The following PHACTR1 variants were observed in gnomAD, a reference collection of about 807,000 sequenced individuals.
PHACTR1 encodes the protein RPEL repeat containing 1.
PHACTR1 carries 16 observed loss-of-function variants against 69.2 expected under a neutral mutation model. That is an observed-to-expected ratio of 0.23 (90% CI 0.16 to 0.35). The LOEUF is 0.35. Among genes scored for constraint, PHACTR1 ranks in the 10% least tolerant of loss-of-function variants. PHACTR1 has a pLI of 1.00. For missense variants in PHACTR1, 510 were observed against 734.7 expected (o/e 0.69, Z 3.54); for synonymous variants, 312 against 284.5 (o/e 1.10, Z -0.97).
At chr6:12,809,018 T>C (rs1202806453) in intron 4 of PHACTR1, among the ~76,000 whole-genome samples, 2 of 151,942 alleles carry the variant, frequency 1.3e-5, no homozygotes, top group African/African-American at 4.8e-5. Context: ...GCTGGGACTA[T>C]AGTCATGTGC....
intron 4 of PHACTR1, among the ~76,000 whole-genome samples, chr6:12,958,914 C>A (rs972656655): frequency 3.9e-5 from 6 of 152,098 alleles, no homozygotes; most frequent in African/African-American, 7.2e-5. Context: ...CGGTGGCTCA[C>A]GCCTATAATC....
chr6:12,965,444 T>C (rs1793330320), intron 4 of PHACTR1, among the ~76,000 whole-genome samples: 1 of 103,166 alleles, frequency 9.7e-6, no homozygotes, highest in South Asian at 3.7e-4. Flanking sequence ...CACAGTCTAT[T>C]TTGTGCCTTT....
chr6:13,157,490 A>G (rs967912204), intron 5 of PHACTR1, among the ~76,000 whole-genome samples: 5 of 152,244 alleles, frequency 3.3e-5, no homozygotes, highest in Non-Finnish European at 1.5e-5. Context: ...GACCATGGAC[A>G]GCAGATCCAC....
intron 4 of PHACTR1, 133 bp downstream of exon 4, chr6:12,749,923 T>C (rs1467267180): frequency 1.2e-6 from 1 of 819,718 alleles, no homozygotes; most frequent in African/African-American, 1.8e-5. Flanking sequence ...GCGCTCTTTG[T>C]GTCTCCGGTG....
chr6:12,769,807 T>C (rs1214906556), intron 4 of PHACTR1, among the ~76,000 whole-genome samples: 1 of 152,236 alleles, frequency 6.6e-6, no homozygotes, highest in Non-Finnish European at 1.5e-5. Context: ...TTTGCATTGC[T>C]TCTCCTTCTG....
At chr6:12,944,114 T>A (rs1054084801) in intron 4 of PHACTR1, among the ~76,000 whole-genome samples, 4 of 152,204 alleles carry the variant, frequency 2.6e-5, no homozygotes, top group Non-Finnish European at 1.5e-5. Flanking sequence ...GTTCTACTGA[T>A]AACAAAAGGG....
chr6:12,918,541 A>T (rs1787270679), intron 4 of PHACTR1, among the ~76,000 whole-genome samples: 1 of 152,196 alleles, frequency 6.6e-6, no homozygotes, highest in Non-Finnish European at 1.5e-5. Flanking sequence ...GTTGTGAGAG[A>T]TGCCATCGTT....
intron 10 of PHACTR1, among the ~76,000 whole-genome samples, chr6:13,263,352 A>T (rs1776187277): frequency 6.6e-6 from 1 of 151,632 alleles, no homozygotes; most frequent in Non-Finnish European, 1.5e-5. Context: ...TGAAAAAAAA[A>T]AAAAGGCAAG....
At chr6:12,730,139 T>C (rs536098935) in intron 3 of PHACTR1, among the ~76,000 whole-genome samples, 25 of 152,294 alleles carry the variant, frequency 1.6e-4, no homozygotes, top group African/African-American at 5.5e-4. Flanking sequence ...ACCCAAAATA[T>C]TCTATATTCC....
chr6:13,284,499 A>G (rs1262102375), intron 13 of PHACTR1, among the ~76,000 whole-genome samples: 2 of 129,452 alleles, frequency 1.5e-5, no homozygotes, highest in Non-Finnish European at 3.1e-5. Flanking sequence ...CGTGGATGAC[A>G]ACAGTGAAAC....
intron 5 of PHACTR1, among the ~76,000 whole-genome samples, chr6:13,066,547 T>C (rs1357618918): frequency 6.6e-6 from 1 of 152,172 alleles, no homozygotes; most frequent in East Asian, 1.9e-4. Context: ...GCATTATTGT[T>C]TGGGTTATCT....
In PHACTR1 at chr6:12,988,601, A is replaced by ACCTC. The variant is rs575504356; in HGVS notation, c.251-64761_251-64758dup. ...AGCATCTTTTAAATTCCTTGATCTT[A>ACCTC]CCTCCCCAGTGTGTAGAGCATATTA... On this transcript the variant is annotated intron_variant, in intron 4 of 14. Transcript: ENST00000332995. Among the ~76,000 whole-genome samples the ACCTC allele has an allele frequency of 3.3e-5, 5 of 152,264 alleles. No individual in the cohort carries two copies. In the South Asian group the frequency reaches 1.0e-3, roughly 32 times the overall value.
chr6:13,089,746 G>A (rs932781505), intron 5 of PHACTR1, among the ~76,000 whole-genome samples: 1 of 152,150 alleles, frequency 6.6e-6, no homozygotes, highest in African/African-American at 2.4e-5. Flanking sequence ...ACCTATCACT[G>A]GAGTTCCTGA....
At chr6:12,994,253 T>G (rs1797147870) in intron 4 of PHACTR1, among the ~76,000 whole-genome samples, 1 of 152,234 alleles carries the variant, frequency 6.6e-6, no homozygotes, top group African/African-American at 2.4e-5. Context: ...ATATATTAGG[T>G]GACACAAAAG....
At chr6:12,796,392 G>A (rs944061734) in intron 4 of PHACTR1, among the ~76,000 whole-genome samples, 1 of 152,196 alleles carries the variant, frequency 6.6e-6, no homozygotes, top group Non-Finnish European at 1.5e-5. Flanking sequence ...TCCCAGTACA[G>A]ACTCTGAACC....
Position 12,792,334 on chromosome 6 carries a change from C to T in PHACTR1, c.250+42544C>T, listed in dbSNP as rs1053680317. Among the ~76,000 whole-genome samples the T allele has an allele frequency of 2.6e-5, 4 of 151,778 alleles. No individual in the cohort carries two copies. In the East Asian group the frequency reaches 5.8e-4, roughly 22 times the overall value. On this transcript the variant is annotated intron_variant, in intron 4 of 14. Transcript: ENST00000332995. ...ACAAAATTAGCCGGGCGTGGTGGTA[C>T]ATGCCTGTAATCCCAGCTACTTGGG...
chr6:12,767,033 TC>T (rs1181404380), intron 4 of PHACTR1, among the ~76,000 whole-genome samples: 1 of 152,326 alleles, frequency 6.6e-6, no homozygotes, highest in Admixed American at 6.5e-5. Flanking sequence ...AGATATTTTG[TC>T]CCCTCACATT....
At chr6:13,116,093 G>T (rs1817779780) in intron 5 of PHACTR1, among the ~76,000 whole-genome samples, 1 of 152,120 alleles carries the variant, frequency 6.6e-6, no homozygotes, top group East Asian at 1.9e-4. Flanking sequence ...GAACTATCTG[G>T]TTTTTCTGTA....
chr6:12,881,737 C>T (rs577363799), intron 4 of PHACTR1, among the ~76,000 whole-genome samples: 14 of 152,192 alleles, frequency 9.2e-5, no homozygotes, highest in South Asian at 4.2e-4. Flanking sequence ...GTAGGACTCG[C>T]GATGTCCTAA....
Sources: allele counts gnomAD v4.1 joint callset (sites outside exome capture counted in the v4.1 genomes callset), GRCh38; gene constraint gnomAD v4.1.1; transcripts MANE v1.5; gene names NCBI Gene and HGNC (gene_info 2026-07-23, HGNC 2026-07-21).